CCDC80: variants seen among roughly 807,000 people sequenced by gnomAD.
CCDC80 encodes coiled-coil domain containing 80, also known as coiled-coil domain-containing protein 80.
In CCDC80, 49 loss-of-function variants were observed where a neutral mutation model predicts 78.7. That is an observed-to-expected ratio of 0.62 (90% CI 0.50 to 0.79). The LOEUF (loss-of-function observed/expected upper bound fraction) is 0.79, where lower values mean the gene tolerates loss of function less well. Ranked by LOEUF, CCDC80 falls within the 30% of genes least tolerant of loss-of-function variation. CCDC80 has a pLI of 0.00. For missense variants in CCDC80, 1,205 were observed against 1,198.6 expected (o/e 1.01, Z -0.08); for synonymous variants, 488 against 447.0 (o/e 1.09, Z -1.16).
At position 112,638,739 on chromosome 3, in the gene CCDC80, G is replaced by T; in HGVS notation, c.1167C>A (p.Thr389=). ...TAFPTTQRPW[T]PSPSHRPPTT... ...TAGGGGGCCTGTGGGAGGGTGAGGG[G>T]GTCCAGGGCCTCTGCGTGGTGGGAA... is the stretch of plus-strand genomic sequence containing the variant. Residue 389 remains threonine, a synonymous_variant, in exon 2 of 8, where the codon ACC becomes ACA. Coordinates refer to ENST00000206423, the MANE Select transcript of CCDC80 (RefSeq NM_199511.3). 1 of 1,613,926 alleles carries T rather than the reference G, an allele frequency of 6.2e-7. No homozygotes were observed. Among genetic ancestry groups the T allele is most frequent in the African/African-American group, 1.3e-5 (1 of 74,968 alleles).
chr3:112,619,056 T>C lies in CCDC80; in HGVS notation c.2084A>G (p.Gln695Arg). 1.2e-6 allele frequency: 2 copies of C among 1,609,170 alleles called. No individual in the cohort carries two copies. The highest frequency in any genetic ancestry group is 1.7e-6 in the Non-Finnish European group (2 of 1,178,544). ...TTTCCTCAGCTCGCTGATGAGACGC[T>C]GGTCTACCAAGTCTTCATCATCCAC... ...RVVDDEDLVD[Q>R]RLISELRKEY... The change falls in exon 4 of 8, where the codon CAG (glutamine) becomes CGG (arginine). Residue 695 changes from glutamine to arginine, a missense_variant. Transcript: ENST00000206423.
chr3:112,612,577 A>T (rs1324849985), intron 5 of CCDC80, among the ~76,000 whole-genome samples: 1 of 152,214 alleles, frequency 6.6e-6, no homozygotes, highest in Non-Finnish European at 1.5e-5. Flanking sequence ...CTTATTTTAG[A>T]CAAATTGTTT....
chr3:112,616,982 G>A lies in CCDC80; in HGVS notation c.2173-124C>T, dbSNP rs1009985421. The A allele has an allele frequency of 1.8e-5, 17 of 925,118 alleles. 1 individual carries two copies. The highest frequency in any genetic ancestry group is 6.5e-4 in the Middle Eastern group (2 of 3,080). 57.3% of individuals were successfully genotyped at this position (925,118 alleles called of 1,614,324 possible). A position where few individuals can be genotyped will look rare whatever the true frequency, so the allele number is the denominator to read the frequency against. The stretch of plus-strand genomic sequence containing the variant: ...AAATCTTTGAAATCAGAGCCTAGAA[G>A]ATTCATTGCTTCATAAATGCTCTCC... On this transcript the variant is annotated intron_variant, in intron 4 of 7. Transcript: ENST00000206423.
intron 3 of CCDC80, among the ~76,000 whole-genome samples, chr3:112,626,334 C>T (rs2107487003): frequency 6.6e-6 from 1 of 152,220 alleles, no homozygotes; most frequent in East Asian, 1.9e-4. Flanking sequence ...AAGGCAGCTG[C>T]CAGGCACTGT....
rs1935348497 is a variant in CCDC80 at position 112,600,101 on chromosome 3, CCAG to C, written c.*5313_*5315del. The C allele has an allele frequency of 1.3e-5, 2 of 152,154 alleles. No individual in the cohort carries two copies. The highest frequency in any genetic ancestry group is 3.9e-4 in the East Asian group (2 of 5,192). The allele number at this position is 152,154 out of a possible 1,614,324, so 9.4% of individuals were successfully genotyped here. ...ATTTGAAACTACCTAGTTTATACTA[CCAG>C]AAGACAGAGATTCAGGTTAGCTAGT... On this transcript the variant is annotated 3_prime_UTR_variant, in exon 8 of 8. Coordinates refer to ENST00000206423, the MANE Select transcript of CCDC80 (RefSeq NM_199511.3).
At position 112,639,550 on chromosome 3, in the gene CCDC80, C is replaced by G. The variant is rs767306537; in HGVS notation, c.356G>C (p.Arg119Thr). 21 of 1,614,082 alleles carry G rather than the reference C, an allele frequency of 1.3e-5. No individual in the cohort carries two copies. The East Asian group carries it at 4.5e-4, about 34-fold the overall frequency. ...TGACCGAGCTGAGGACCCCTCATCT[C>G]TGATCATCTCACGCGGAGAGCCCCT... ...AARGSPREMI[R>T]DEGSSARSRM... The change falls in exon 2 of 8, where the codon AGA (arginine) becomes ACA (threonine). Residue 119 changes from arginine (R) to threonine (T), a missense_variant. Coordinates refer to ENST00000206423, the MANE Select transcript of CCDC80 (RefSeq NM_199511.3).
rs1028569474 is a variant in CCDC80 at position 112,599,616 on chromosome 3, A to G, written c.*5801T>C. ...TACAATCTCCACACATTCAGTACTG[A>G]GACACATTAAGAAGGGCCCACTGAG... is the stretch of plus-strand genomic sequence containing the variant. On this transcript the variant is annotated 3_prime_UTR_variant, in exon 8 of 8. Transcript: ENST00000206423. The G allele has an allele frequency of 5.3e-5, 8 of 152,232 alleles. 1 individual carries two copies. The highest frequency in any genetic ancestry group is 1.9e-4 in the African/African-American group (8 of 41,446). The allele number at this position is 152,232 out of a possible 1,614,324, so 9.4% of individuals were successfully genotyped here.
At chr3:112,637,222 T>G (rs575405097) in intron 2 of CCDC80, among the ~76,000 whole-genome samples, 1 of 152,248 alleles carries the variant, frequency 6.6e-6, no homozygotes, top group South Asian at 2.1e-4. Context: ...ACATACACAT[T>G]TTACAGAGCC....
rs934187243 is a variant in CCDC80, at chr3:112,601,832, C to T, written c.*3585G>A. 5 of 152,172 alleles carry T rather than the reference C, an allele frequency of 3.3e-5. No homozygotes were observed. Among genetic ancestry groups the T allele is most frequent in the Non-Finnish European group, 5.9e-5 (4 of 68,028 alleles). The allele number at this position is 152,172 out of a possible 1,614,324, so 9.4% of individuals were successfully genotyped here. The stretch of plus-strand genomic sequence containing the variant: ...TCCTTTGCATTCCAGCTACTTTGGT[C>T]CATTGTAACTTGGTAACCTTTGCCT... On this transcript the variant is annotated 3_prime_UTR_variant, in exon 8 of 8. Transcript: ENST00000206423.
chr3:112,633,976 T>G (rs1335843684), intron 2 of CCDC80, among the ~76,000 whole-genome samples: 1 of 152,256 alleles, frequency 6.6e-6, no homozygotes, highest in Non-Finnish European at 1.5e-5. Flanking sequence ...TATTTCTTTT[T>G]CATGGCTTCT....
At chr3:112,623,458 T>C (rs1935907466) in intron 3 of CCDC80, among the ~76,000 whole-genome samples, 3 of 152,194 alleles carry the variant, frequency 2.0e-5, no homozygotes, top group African/African-American at 7.2e-5. Context: ...CCTCTCGCAT[T>C]CCTTTGAAAG....
chr3:112,626,955 T>A (rs901738100), intron 3 of CCDC80, among the ~76,000 whole-genome samples: 1 of 152,200 alleles, frequency 6.6e-6, no homozygotes, highest in Non-Finnish European at 1.5e-5. Flanking sequence ...TTGCTACCTC[T>A]CTTGATTACC....
In CCDC80 at chr3:112,639,593, C is replaced by G. The variant is rs1299115253; in HGVS notation, c.313G>C (p.Glu105Gln). 1.2e-6 allele frequency: 2 copies of G among 1,614,064 alleles called. No individual in the cohort carries two copies. Among genetic ancestry groups the G allele is most frequent in the African/African-American group, 2.7e-5 (2 of 74,922 alleles). ...GAGCCCCTGGCTGCTGGTCTTTGCT[C>G]AGGTCTCACGGCGGCCCCATTGATG... ...SDINGAAVRP[E>Q]QRPAARGSPR... Residue 105 changes from glutamate (E) to glutamine (Q), a missense_variant, in exon 2 of 8, where the codon GAG becomes CAG. Coordinates refer to ENST00000206423, the MANE Select transcript of CCDC80 (RefSeq NM_199511.3).
rs774845090 is a variant in CCDC80 at position 112,605,575 on chromosome 3, G to A, written c.2695C>T (p.Arg899Trp). 1 of 1,614,180 alleles carries A rather than the reference G, an allele frequency of 6.2e-7. No individual in the cohort carries two copies. Among genetic ancestry groups the A allele is most frequent in the South Asian group, 1.1e-5 (1 of 91,086 alleles). The change falls in exon 8 of 8, where the codon CGG (arginine) becomes TGG (tryptophan). Residue 899 changes from arginine to tryptophan, a missense_variant. By Grantham distance (101) the Arg-to-Trp change is moderately radical (BLOSUM62 -3). Coordinates refer to ENST00000206423, the MANE Select transcript of CCDC80 (RefSeq NM_199511.3). Reference protein sequence around the residue: ...VYDLIDSMQLRRQEMAIQQSL... With the variant: ...VYDLIDSMQLWRQEMAIQQSL... Reference sequence around the variant, plus strand: ...TGCTGAATCGCCATTTCCTGTCTCCGAAGTTGCATCGAATCAATTAAATCG... The same window carrying A: ...TGCTGAATCGCCATTTCCTGTCTCCAAAGTTGCATCGAATCAATTAAATCG...
intron 4 of CCDC80, among the ~76,000 whole-genome samples, chr3:112,617,497 C>T (rs1215100040): frequency 6.6e-6 from 1 of 152,182 alleles, no homozygotes; most frequent in Non-Finnish European, 1.5e-5. Context: ...GGAGAGCAGT[C>T]TGGACATGGC....
chr3:112,620,236 G>A (rs1369765019), intron 3 of CCDC80, among the ~76,000 whole-genome samples: 6 of 152,162 alleles, frequency 3.9e-5, no homozygotes, highest in Non-Finnish European at 8.8e-5. Flanking sequence ...TGCTGAAAGT[G>A]TATAAAGAAG....
Position 112,619,077 on chromosome 3 carries a change from T to C in CCDC80, c.2063A>G (p.Asp688Gly), listed in dbSNP as rs776014830. ...LDNEKPMRVVDDEDLVDQRLI... is the reference protein window; with the variant it reads ...LDNEKPMRVVGDEDLVDQRLI... ...ACGCTGGTCTACCAAGTCTTCATCA[T>C]CCACCACTCGCATGGGCTTCTCATT... Residue 688 changes from aspartate to glycine, a missense_variant, in exon 4 of 8, where the codon GAT (aspartate) becomes GGT (glycine). By Grantham distance (94) the Asp-to-Gly change is moderately conservative. Coordinates refer to ENST00000206423, the MANE Select transcript of CCDC80 (RefSeq NM_199511.3). 1 of 1,603,502 alleles carries C rather than the reference T, an allele frequency of 6.2e-7. No homozygotes were observed. The highest frequency in any genetic ancestry group is 8.5e-7 in the Non-Finnish European group (1 of 1,176,360).
intron 3 of CCDC80, among the ~76,000 whole-genome samples, chr3:112,626,435 C>A (rs1333261353): frequency 2.1e-5 from 3 of 141,644 alleles, no homozygotes; most frequent in Admixed American, 2.1e-4. Context: ...TGTTGTGGAT[C>A]CTGATGACTG....
intron 2 of CCDC80, 54 bp downstream of exon 2, chr3:112,637,974 G>A (rs1401959841): frequency 1.3e-5 from 20 of 1,543,714 alleles, no homozygotes; most frequent in African/African-American, 2.8e-5. Flanking sequence ...CAAGACAGAC[G>A]TTAACATGCC....
Sources: allele counts gnomAD v4.1 joint callset (sites outside exome capture counted in the v4.1 genomes callset), GRCh38; gene constraint gnomAD v4.1.1; transcripts MANE v1.5; gene names NCBI Gene and HGNC (gene_info 2026-07-23, HGNC 2026-07-21).